WDR49: variants seen among roughly 807,000 people sequenced by gnomAD.
The protein encoded by WDR49 is cilia- and flagella-associated protein 337.
In WDR49, 107 loss-of-function variants were observed where a neutral mutation model predicts 119.5. That is an observed-to-expected ratio of 0.90 (90% CI 0.77 to 1.05). The LOEUF (loss-of-function observed/expected upper bound fraction) is 1.05, where lower values mean the gene tolerates loss of function less well. Ranked by LOEUF, WDR49 falls within the 50% of genes least tolerant of loss-of-function variation. The pLI is 0.00. For synonymous variants in WDR49, 425 were observed against 418.8 expected (o/e 1.01, Z -0.18); for missense variants, 1,240 against 1,220.5 (o/e 1.02, Z -0.24).
In WDR49 at chr3:167,604,486, A is replaced by C; in HGVS notation, c.959-18T>G. On this transcript the variant is annotated intron_variant, in intron 5 of 18. Coordinates refer to ENST00000682715, the MANE Select transcript of WDR49 (RefSeq NM_001366157.1). ...GTAAGTAACTGATAAAAAATTAAAAAGAGAAAAACAATCTTTAGTTGATTC... is the reference window on the plus strand; with the variant it reads ...GTAAGTAACTGATAAAAAATTAAAACGAGAAAAACAATCTTTAGTTGATTC... 1 of 1,568,978 alleles carries C rather than the reference A, an allele frequency of 6.4e-7. No homozygotes were observed. Among genetic ancestry groups the C allele is most frequent in the South Asian group, 1.2e-5 (1 of 85,358 alleles).
chr3:167,494,224 A>C (rs1466619317), intron 18 of WDR49, among the ~76,000 whole-genome samples: 1 of 152,192 alleles, frequency 6.6e-6, no homozygotes, highest in African/African-American at 2.4e-5. Context: ...AGATATAAAC[A>C]AATAGTAGAA....
rs551114074 is a variant in WDR49 at position 167,613,887 on chromosome 3, G to A, written c.958+6542C>T. 1.4e-3 allele frequency among the ~76,000 whole-genome samples: 207 copies of A among 150,958 alleles called. 1 individual carries two copies. Among genetic ancestry groups the A allele is most frequent in the Admixed American group, 2.4e-3 (36 of 15,192 alleles). ...TTGAACCCAGGAGACAGAAGTTGCA[G>A]TGAGCCGAGATCATGCCACTGCAGC... is the stretch of plus-strand genomic sequence containing the variant. On this transcript the variant is annotated intron_variant, in intron 5 of 18. Transcript: ENST00000682715.
At chr3:167,569,185 G>A (rs113757656) in intron 8 of WDR49, among the ~76,000 whole-genome samples, 8,251 of 151,978 alleles carry the variant, frequency 0.054, 696 homozygotes, top group African/African-American at 0.18. Flanking sequence ...CTCGTGATCC[G>A]CCCTCCTTGG....
intron 2 of WDR49, among the ~76,000 whole-genome samples, chr3:167,641,800 A>C (rs1717893564): frequency 6.6e-6 from 1 of 152,026 alleles, no homozygotes; most frequent in African/African-American, 2.4e-5. Context: ...ACATTTAACA[A>C]AAGAGTATAA....
chr3:167,563,597 GATTT>G (rs747358007), intron 8 of WDR49, among the ~76,000 whole-genome samples: 95 of 152,122 alleles, frequency 6.2e-4, no homozygotes, highest in Non-Finnish European at 9.6e-4. Flanking sequence ...TGGATTGATT[GATTT>G]GTTTGTTTTT....
At chr3:167,582,969 TACAC>T (rs142100499) in intron 7 of WDR49, among the ~76,000 whole-genome samples, 2 of 137,596 alleles carry the variant, frequency 1.5e-5, no homozygotes, top group Non-Finnish European at 3.2e-5. Context: ...CACACACACA[TACAC>T]ACACACACAC....
At chr3:167,523,723 ACTC>A (rs1374675709) in intron 15 of WDR49, among the ~76,000 whole-genome samples, 2 of 151,812 alleles carry the variant, frequency 1.3e-5, no homozygotes, top group Non-Finnish European at 2.9e-5. Context: ...AAAGACAAGA[ACTC>A]ATCCTGTTTT....
chr3:167,495,955 C>A (rs1348026994), intron 18 of WDR49, among the ~76,000 whole-genome samples: 2 of 145,360 alleles, frequency 1.4e-5, no homozygotes, highest in Non-Finnish European at 3.0e-5. Context: ...ATGAAAAATC[C>A]TTTCAGAGTC....
Position 167,529,950 on chromosome 3 carries a change from ACAAT to A in WDR49, c.2219-715_2219-712del, listed in dbSNP as rs145992833. Among the ~76,000 whole-genome samples, 1,054 of 152,244 alleles carry A rather than the reference ACAAT, an allele frequency of 6.9e-3. 15 individuals carry two copies. The highest frequency in any genetic ancestry group is 0.024 in the African/African-American group (998 of 41,562). ...TGCTTCACAAATGTACTGCCAATAA[ACAAT>A]CATATCTATTTAAGGTAGAAATAAT... is the stretch of plus-strand genomic sequence containing the variant. On this transcript the variant is annotated intron_variant, in intron 13 of 18. Coordinates refer to ENST00000682715, the MANE Select transcript of WDR49 (RefSeq NM_001366157.1).
Position 167,553,307 on chromosome 3 carries a change from C to G in WDR49, c.1823+1343G>C, listed in dbSNP as rs1002240220. On this transcript the variant is annotated intron_variant, in intron 10 of 18. Coordinates refer to ENST00000682715, the MANE Select transcript of WDR49 (RefSeq NM_001366157.1). ...AAAAAGTGATAATTTTTCCTACTCT[C>G]ATACCAGTTTTTCCAAAGCTTCTTC... 2.0e-5 allele frequency among the ~76,000 whole-genome samples: 3 copies of G among 152,028 alleles called. No individual in the cohort carries two copies. The South Asian group carries it at 6.2e-4, about 31-fold the overall frequency.
At chr3:167,490,146 A>G (rs1308865800) in intron 18 of WDR49, among the ~76,000 whole-genome samples, 2 of 152,164 alleles carry the variant, frequency 1.3e-5, no homozygotes, top group East Asian at 3.9e-4. Flanking sequence ...CAACAAAGCA[A>G]CGGGTTGGTG....
At chr3:167,643,854 G>A (rs891512081) in intron 2 of WDR49, among the ~76,000 whole-genome samples, 2 of 151,938 alleles carry the variant, frequency 1.3e-5, no homozygotes, top group Admixed American at 1.3e-4. Flanking sequence ...CAAGTTTGGG[G>A]AGGGGATCAT....
intron 7 of WDR49, among the ~76,000 whole-genome samples, chr3:167,586,608 C>G (rs1714828350): frequency 6.6e-6 from 1 of 152,070 alleles, no homozygotes; most frequent in East Asian, 1.9e-4. Context: ...TAACTTAACC[C>G]CAGTCCTATA....
rs111565935 is a variant in WDR49 at position 167,534,986 on chromosome 3, A to C, written c.1954+1884T>G. On this transcript the variant is annotated intron_variant, in intron 11 of 18. Coordinates refer to ENST00000682715, the MANE Select transcript of WDR49 (RefSeq NM_001366157.1). ...CTGGAAAATGGACAATACAAATAAA[A>C]GCTAATATTTATGGATGAGCTTATT... is the stretch of plus-strand genomic sequence containing the variant. 4.6e-3 allele frequency among the ~76,000 whole-genome samples: 705 copies of C among 152,312 alleles called. 3 individuals are homozygous for C. Among genetic ancestry groups the C allele is most frequent in the African/African-American group, 0.016 (666 of 41,580 alleles).
chr3:167,565,612 GT>G (rs941764572), intron 8 of WDR49, among the ~76,000 whole-genome samples: 10 of 152,226 alleles, frequency 6.6e-5, no homozygotes, highest in Admixed American at 6.5e-4. Context: ...AGATGAAGAA[GT>G]AAGCCAACCA....
intron 7 of WDR49, among the ~76,000 whole-genome samples, chr3:167,600,613 G>T (rs953909601): frequency 1.3e-5 from 2 of 152,124 alleles, no homozygotes; most frequent in Non-Finnish European, 2.9e-5. Flanking sequence ...CAATACTGAT[G>T]CATCTTAAGA....
At chr3:167,516,004 AC>A (rs1752183800) in intron 16 of WDR49, among the ~76,000 whole-genome samples, 1 of 152,240 alleles carries the variant, frequency 6.6e-6, no homozygotes, top group Admixed American at 6.5e-5. Flanking sequence ...AAGTGGAAAA[AC>A]ATTTCATGAT....
intron 16 of WDR49, among the ~76,000 whole-genome samples, chr3:167,514,569 C>T (rs149795773): frequency 4.1e-4 from 61 of 150,428 alleles, no homozygotes; most frequent in African/African-American, 1.3e-3. Context: ...GCAAACAGAC[C>T]CCTAAGCTAG....
intron 13 of WDR49, among the ~76,000 whole-genome samples, chr3:167,530,829 C>T (rs1752824097): frequency 6.6e-6 from 1 of 152,108 alleles, no homozygotes; most frequent in Non-Finnish European, 1.5e-5. Context: ...TCTGGGACAA[C>T]AATTCTGATT....
Sources: gnomAD v4.1 joint callset for allele counts (sites outside exome capture counted in the v4.1 genomes callset) on GRCh38, gnomAD v4.1.1 for gene constraint, MANE v1.5 for transcripts, NCBI Gene and HGNC (gene_info 2026-07-23, HGNC 2026-07-21) for gene names.